The following ABCC9 variants were observed in gnomAD, a reference collection of about 807,000 sequenced individuals.
ABCC9 encodes ATP-binding cassette sub-family C member 9.
Under a neutral mutation model 188.3 loss-of-function variants are expected in ABCC9, and 95 were observed. The observed-to-expected ratio is 0.50, with a 90% CI of 0.43 to 0.60. The LOEUF (loss-of-function observed/expected upper bound fraction) is 0.60, where lower values mean the gene tolerates loss of function less well. ABCC9 is among the 20% of genes least tolerant of loss of function. The pLI, the probability that ABCC9 is intolerant of heterozygous loss-of-function variation, is 0.00. For missense variants in ABCC9, 1,102 were observed against 1,876.3 expected (o/e 0.59, Z 7.62); for synonymous variants, 659 against 652.7 (o/e 1.01, Z -0.15).
Position 21,910,390 on chromosome 12 carries a change from TAAC to T in ABCC9, c.1165-81_1165-79del, listed in dbSNP as rs555820163. ...TATGATTATTTTCACTGAAAATAAA[TAAC>T]AAACATTTAATTTTTTTGAGAAAAA... On this transcript the variant is annotated intron_variant, in intron 9 of 39. Transcript: ENST00000261200. The T allele has an allele frequency of 2.6e-4, 360 of 1,391,030 alleles. 2 individuals are homozygous for T. The African/African-American group carries it at 4.8e-3, about 18-fold the overall frequency. 86.2% of individuals were successfully genotyped at this position (1,391,030 alleles called of 1,614,324 possible).
intron 24 of ABCC9, 56 bp from the exon 25 acceptor site, chr12:21,848,302 A>AT: frequency 6.9e-7 from 1 of 1,448,650 alleles, no homozygotes. Context: ...GTTGTGACTT[A>AT]TCAATGAATG....
chr12:21,922,272 G>T (rs1948851891), intron 5 of ABCC9, among the ~76,000 whole-genome samples: 1 of 151,736 alleles, frequency 6.6e-6, no homozygotes, highest in Admixed American at 6.6e-5. Flanking sequence ...TTGTTACAGA[G>T]ATCTTTCACT....
intron 36 of ABCC9, among the ~76,000 whole-genome samples, chr12:21,811,456 CTTCT>C (rs974591502): frequency 1.3e-5 from 2 of 152,142 alleles, no homozygotes; most frequent in Non-Finnish European, 2.9e-5. Flanking sequence ...TAAGTTACAG[CTTCT>C]TTGAGTTTCA....
Position 21,844,934 on chromosome 12 carries a change from A to G in ABCC9, c.3097-19T>C, listed in dbSNP as rs748355151. 1.2e-6 allele frequency: 2 copies of G among 1,613,228 alleles called. No individual in the cohort carries two copies. The highest frequency in any genetic ancestry group is 2.2e-5 in the East Asian group (1 of 44,824). On this transcript the variant is annotated intron_variant, in intron 26 of 39. Coordinates refer to ENST00000261200, the MANE Select transcript of ABCC9 (RefSeq NM_020297.4). ...AGTAGGTCTAAAAAGCAACCAACAC[A>G]AAAAGCACATAGGAAATTATCAATG...
intron 26 of ABCC9, 139 bp from the exon 27 acceptor site, chr12:21,845,054 T>G: frequency 9.5e-7 from 1 of 1,053,776 alleles, no homozygotes. Flanking sequence ...GGAATGCAAT[T>G]TTTTGAGGCC....
At chr12:21,908,530 T>A (rs1362724461) in intron 10 of ABCC9, among the ~76,000 whole-genome samples, 1 of 151,986 alleles carries the variant, frequency 6.6e-6, no homozygotes. Context: ...TCCAACCTTT[T>A]AAGTAGTCTT....
In ABCC9 at chr12:21,887,930, G is replaced by C; in HGVS notation, c.1807C>G (p.Gln603Glu). 1 of 1,610,584 alleles carries C rather than the reference G, an allele frequency of 6.2e-7. No individual in the cohort carries two copies. Among genetic ancestry groups the C allele is most frequent in the South Asian group, 1.1e-5 (1 of 90,996 alleles). Residue 603 changes from glutamine to glutamate, a missense_variant, in exon 15 of 40, where the codon CAA becomes GAA. Around this residue, in one of 12 missense-constraint regions of ABCC9, gnomAD observed 258 missense variants for 325.6 expected, o/e 0.79. Transcript: ENST00000261200. ...RFAVKAIISV[Q>E]KLNEFLLSDE... ...CTCAAGAGAAACTCATTCAGCTTTTGAACACTGCAAAAAACAATAAACACA... is the reference window on the plus strand; with the variant it reads ...CTCAAGAGAAACTCATTCAGCTTTTCAACACTGCAAAAAACAATAAACACA...
chr12:21,805,714 C>A (rs1386296741), intron 39 of ABCC9, among the ~76,000 whole-genome samples: 1 of 152,124 alleles, frequency 6.6e-6, no homozygotes. Context: ...TATGAACTAC[C>A]ATTTTATCTG....
At position 21,915,665 on chromosome 12, in the gene ABCC9, C is replaced by T; in HGVS notation, c.816+3G>A. Reference sequence around the variant, plus strand: ...AGCACATGGAAGACAGACGCTAAATCACCTTTTGTTCTTCATATGCATCTT... The same window carrying T: ...AGCACATGGAAGACAGACGCTAAATTACCTTTTGTTCTTCATATGCATCTT... On this transcript the variant is annotated splice_donor_region_variant and intron_variant, in intron 7 of 39. Coordinates refer to ENST00000261200, the MANE Select transcript of ABCC9 (RefSeq NM_020297.4). 1 of 1,611,854 alleles carries T rather than the reference C, an allele frequency of 6.2e-7. No homozygotes were observed. The highest frequency in any genetic ancestry group is 1.1e-5 in the South Asian group (1 of 90,948).
At chr12:21,934,061 G>T in intron 3 of ABCC9, 138 bp from the exon 4 acceptor site, 1 of 753,036 alleles carries the variant, frequency 1.3e-6, no homozygotes, top group Non-Finnish European at 2.2e-6. Flanking sequence ...GAGTAGCAAT[G>T]GAAATCCTAG....
intron 28 of ABCC9, among the ~76,000 whole-genome samples, chr12:21,842,751 G>C (rs749173093): frequency 1.3e-5 from 2 of 152,092 alleles, no homozygotes; most frequent in Non-Finnish European, 2.9e-5. Flanking sequence ...TCATGTGTTT[G>C]TTTACTGAGC....
intron 5 of ABCC9, chr12:21,924,015 CT>C: frequency 2.1e-6 from 1 of 467,504 alleles, no homozygotes; most frequent in Non-Finnish European, 3.8e-6. Flanking sequence ...AAAGTCTATA[CT>C]GTGTCATTCA....
intron 18 of ABCC9, 42 bp from the exon 19 acceptor site, chr12:21,864,519 A>C: frequency 7.1e-7 from 1 of 1,406,122 alleles, no homozygotes; most frequent in Non-Finnish European, 1.0e-6. Context: ...ATGAAGTAGA[A>C]ATATAGAACC....
intron 12 of ABCC9, among the ~76,000 whole-genome samples, chr12:21,896,498 T>C (rs1394552284): frequency 6.6e-6 from 1 of 152,200 alleles, no homozygotes; most frequent in Non-Finnish European, 1.5e-5. Context: ...GCTTGTTACA[T>C]AGATAAACAT....
chr12:21,871,981 A>G (rs1270307078), intron 18 of ABCC9, among the ~76,000 whole-genome samples: 2 of 152,228 alleles, frequency 1.3e-5, no homozygotes, highest in Non-Finnish European at 2.9e-5. Context: ...ATTATGTAAC[A>G]TATTTCTGAA....
At position 21,828,123 on chromosome 12, in the gene ABCC9, C is replaced by T. The variant is rs1471880066; in HGVS notation, c.3669+835G>A. ...TTTTCTTTTCAAAACCGGCAAATAC[C>T]TATTTAAAAAATTACACTCAACTCA... On this transcript the variant is annotated intron_variant, in intron 31 of 39. Coordinates refer to ENST00000261200, the MANE Select transcript of ABCC9 (RefSeq NM_020297.4). Among the ~76,000 whole-genome samples the T allele has an allele frequency of 2.0e-5, 3 of 152,182 alleles. No homozygotes were observed. The East Asian group carries it at 5.8e-4, about 29-fold the overall frequency.
At chr12:21,828,818 AC>A (rs1412686310) in intron 31 of ABCC9, 139 bp downstream of exon 31, 1 of 749,548 alleles carries the variant, frequency 1.3e-6, no homozygotes, top group African/African-American at 1.7e-5. Flanking sequence ...ACATAAACAA[AC>A]CTGAGCTATT....
intron 17 of ABCC9, among the ~76,000 whole-genome samples, chr12:21,873,416 C>A (rs899736795): frequency 4.6e-5 from 7 of 151,814 alleles, no homozygotes; most frequent in African/African-American, 1.7e-4. Flanking sequence ...GTGAAATTAA[C>A]ACAAACAAAA....
At chr12:21,907,466 C>G (rs541840690) in intron 11 of ABCC9, among the ~76,000 whole-genome samples, 2 of 151,978 alleles carry the variant, frequency 1.3e-5, no homozygotes. Context: ...AACATGCTGT[C>G]AACAATTTTA....
Sources: gnomAD v4.1 joint callset for allele counts (sites outside exome capture counted in the v4.1 genomes callset) on GRCh38, gnomAD v4.1.1 for gene constraint, gnomAD v4.1.1 regional missense constraint, MANE v1.5 for transcripts, NCBI Gene and HGNC (gene_info 2026-07-23, HGNC 2026-07-21) for gene names.